Variants in PCDHGB1 observed in about 807,000 individuals in gnomAD.
PCDHGB1 encodes protocadherin gamma-B1.
In PCDHGB1, 34 loss-of-function variants were observed where a neutral mutation model predicts 56.6. That is an observed-to-expected ratio of 0.60 (90% CI 0.46 to 0.80). The LOEUF is 0.80. Ranked by LOEUF, PCDHGB1 falls within the 30% of genes least tolerant of loss-of-function variation. PCDHGB1 has a pLI of 0.00. For missense variants in PCDHGB1, 1,278 were observed against 1,204.6 expected, an observed-to-expected ratio of 1.06 and a Z score of -0.90; for synonymous variants, 561 against 505.9, an observed-to-expected ratio of 1.11 and a Z score of -1.46.
intron 1 of PCDHGB1, chr5:141,374,486 A>C: frequency 6.2e-7 from 1 of 1,611,570 alleles, no homozygotes; most frequent in Non-Finnish European, 8.5e-7. Context: ...CCGATTCTTA[A>C]AGGAAGAATT....
chr5:141,485,172 CA>C lies in PCDHGB1; in HGVS notation c.2410-9633del. 6.2e-7 allele frequency: 1 copy of C among 1,610,166 alleles called. No individual in the cohort carries two copies. Among genetic ancestry groups the C allele is most frequent in the Non-Finnish European group, 8.5e-7 (1 of 1,176,940 alleles). On this transcript the variant is annotated intron_variant, in intron 1 of 3. Coordinates refer to ENST00000523390, the MANE Select transcript of PCDHGB1 (RefSeq NM_018922.3). The surrounding 1 kb of genome is among the most constrained non-coding windows in gnomAD (Gnocchi z 5.7). ...CAAGTAGAGAATTAGCGGGCGGCAG[CA>C]ATGCTCCGCAAGGTGAGAAGCTGGA...
chr5:141,436,118 T>C (rs188307595), intron 1 of PCDHGB1, among the ~76,000 whole-genome samples: 5 of 152,310 alleles, frequency 3.3e-5, no homozygotes, highest in Admixed American at 2.0e-4. Flanking sequence ...ATGAAACCTC[T>C]CTCCTCCATC....
At position 141,489,180 on chromosome 5, in the gene PCDHGB1, C is replaced by G. The variant is rs942218118; in HGVS notation, c.2410-5627C>G. On this transcript the variant is annotated intron_variant, in intron 1 of 3. Transcript: ENST00000523390. This position sits in a 1 kb window ranked among gnomAD's most constrained non-coding sequence, Gnocchi z 4.5. ...GACTTCAGCTGCTGCATTCCAAGCC[C>G]TGGGTCTACCTTGGAGACAGGACAG... The G allele has an allele frequency of 1.8e-5, 23 of 1,259,630 alleles. No homozygotes were observed. In the South Asian group the frequency reaches 3.0e-4, roughly 17 times the overall value. The allele number at this position is 1,259,630 out of a possible 1,614,324, so 78.0% of individuals were successfully genotyped here.
At chr5:141,398,951 C>A (rs771456321) in intron 1 of PCDHGB1, 2 of 1,613,822 alleles carry the variant, frequency 1.2e-6, no homozygotes, top group Admixed American at 1.7e-5. Flanking sequence ...GGCATCAACT[C>A]AGAAATTACT....
intron 1 of PCDHGB1, chr5:141,399,913 C>T: frequency 2.5e-6 from 4 of 1,612,372 alleles, no homozygotes; most frequent in Non-Finnish European, 3.4e-6. Context: ...AGACTCAGGA[C>T]ACAACGCCTG....
intron 1 of PCDHGB1, chr5:141,418,214 G>A: frequency 6.2e-7 from 1 of 1,614,064 alleles, no homozygotes; most frequent in Non-Finnish European, 8.5e-7. Flanking sequence ...TATTTTTCAT[G>A]TCATTGTGGT....
At chr5:141,383,438 T>G (rs771107415) in intron 1 of PCDHGB1, 1 of 1,613,960 alleles carries the variant, frequency 6.2e-7, no homozygotes, top group South Asian at 1.1e-5. Flanking sequence ...CACTTCTCCC[T>G]GGCTGTGCAA....
intron 1 of PCDHGB1, among the ~76,000 whole-genome samples, chr5:141,472,725 C>T (rs1250092748): frequency 6.6e-6 from 1 of 152,022 alleles, no homozygotes; most frequent in Non-Finnish European, 1.5e-5. Flanking sequence ...GTGGCTCACA[C>T]CTGTAATCCC....
At chr5:141,388,875 G>C in intron 1 of PCDHGB1, 1 of 1,614,024 alleles carries the variant, frequency 6.2e-7, no homozygotes, top group Non-Finnish European at 8.5e-7. Context: ...GCAATGCACA[G>C]TGGAGGTAGA....
intron 2 of PCDHGB1, among the ~76,000 whole-genome samples, chr5:141,495,377 G>A (rs558501090): frequency 1.9e-4 from 29 of 152,330 alleles, no homozygotes; most frequent in Admixed American, 6.5e-4. Flanking sequence ...ACTGAGGAAG[G>A]ACTGGGCGGG....
At chr5:141,392,791 G>C in intron 1 of PCDHGB1, 6 of 1,557,838 alleles carry the variant, frequency 3.9e-6, no homozygotes, top group Admixed American at 2.0e-5. Context: ...AAGATTCTGA[G>C]AGGATTCTGC....
chr5:141,392,735 C>G, intron 1 of PCDHGB1: 1 of 1,428,540 alleles, frequency 7.0e-7, no homozygotes, highest in South Asian at 1.5e-5. Context: ...ATTGTCATCT[C>G]CATAGCTGCG....
intron 1 of PCDHGB1, chr5:141,370,169 G>T (rs953635284): frequency 3.5e-5 from 16 of 454,700 alleles, no homozygotes; most frequent in African/African-American, 2.2e-4. Flanking sequence ...CAGCAGAGGC[G>T]CCGGGTGCCG....
At chr5:141,366,743 C>T (rs561614642) in intron 1 of PCDHGB1, 3 of 1,611,598 alleles carry the variant, frequency 1.9e-6, no homozygotes, top group East Asian at 2.2e-5. Context: ...AGAAGAACGG[C>T]GAGTTCAGGT....
intron 1 of PCDHGB1, chr5:141,361,012 A>G: frequency 6.2e-7 from 1 of 1,613,186 alleles, no homozygotes; most frequent in South Asian, 1.1e-5. Flanking sequence ...ACACTTTTTC[A>G]ACTTAAATGA....
At position 141,485,069 on chromosome 5, in the gene PCDHGB1, G is replaced by A. The variant is rs1185236732; in HGVS notation, c.2410-9738G>A. 1.1e-6 allele frequency: 1 copy of A among 905,912 alleles called. No homozygotes were observed. Among genetic ancestry groups the A allele is most frequent in the Non-Finnish European group, 1.7e-6 (1 of 577,940 alleles). The allele number at this position is 905,912 out of a possible 1,614,324, so 56.1% of individuals were successfully genotyped here. A position where few individuals can be genotyped will look rare whatever the true frequency, so the allele number is the denominator to read the frequency against. On this transcript the variant is annotated intron_variant, in intron 1 of 3. Coordinates refer to ENST00000523390, the MANE Select transcript of PCDHGB1 (RefSeq NM_018922.3). This position sits in a 1 kb window ranked among gnomAD's most constrained non-coding sequence, Gnocchi z 5.7. ...GCGCCGGCCGAACCGCGCCAGAGCTGGCGCGGGGAAAGGGAGATAGGTGTC... is the reference window on the plus strand; with the variant it reads ...GCGCCGGCCGAACCGCGCCAGAGCTAGCGCGGGGAAAGGGAGATAGGTGTC...
At chr5:141,421,417 G>A (rs1188564125) in intron 1 of PCDHGB1, 2 of 1,613,950 alleles carry the variant, frequency 1.2e-6, no homozygotes, top group Non-Finnish European at 1.7e-6. Context: ...GGCGAAGCGC[G>A]GAGTCCGCAT....
intron 1 of PCDHGB1, chr5:141,373,906 A>G: frequency 1.7e-6 from 1 of 604,222 alleles, no homozygotes; most frequent in Admixed American, 3.7e-5. Context: ...ACATCCTCCA[A>G]CAACAAAGCA....
intron 1 of PCDHGB1, chr5:141,394,806 G>A: frequency 6.2e-7 from 1 of 1,613,852 alleles, no homozygotes; most frequent in Non-Finnish European, 8.5e-7. Flanking sequence ...CGTAGCCGTG[G>A]CTGACAGCAT....
Sources: allele counts gnomAD v4.1 joint callset (sites outside exome capture counted in the v4.1 genomes callset), GRCh38; gene constraint gnomAD v4.1.1; non-coding constraint Gnocchi (gnomAD v3.1); transcripts MANE v1.5; gene names NCBI Gene and HGNC (gene_info 2026-07-23, HGNC 2026-07-21).